The following SAMD4A variants were observed in gnomAD, a reference collection of about 807,000 sequenced individuals.
The protein encoded by SAMD4A is sterile alpha motif domain containing 4A.
Under a neutral mutation model 81.3 loss-of-function variants are expected in SAMD4A, and 33 were observed. The observed-to-expected ratio is 0.41, with a 90% CI of 0.31 to 0.54. SAMD4A has a LOEUF of 0.54. Ranked by LOEUF, SAMD4A falls within the 20% of genes least tolerant of loss-of-function variation. SAMD4A has a pLI of 0.37. For synonymous variants in SAMD4A, 389 were observed against 382.1 expected (o/e 1.02, Z -0.21); for missense variants, 854 against 951.1 (o/e 0.90, Z 1.34).
chr14:54,687,967 G>A (rs1390718289), intron 2 of SAMD4A: 1 of 986,056 alleles, frequency 1.0e-6, no homozygotes, highest in Non-Finnish European at 1.2e-6. Flanking sequence ...TACCCAGCCA[G>A]ACACTCAATA....
At chr14:54,597,158 T>A (rs2033931336) in intron 2 of SAMD4A, among the ~76,000 whole-genome samples, 1 of 151,852 alleles carries the variant, frequency 6.6e-6, no homozygotes, top group Admixed American at 6.6e-5. Context: ...TATGCATTCC[T>A]ATGTGGGTAC....
intron 2 of SAMD4A, among the ~76,000 whole-genome samples, chr14:54,668,587 C>T (rs960998152): frequency 6.6e-6 from 1 of 152,146 alleles, no homozygotes; most frequent in Admixed American, 6.5e-5. Flanking sequence ...GCAAAGACTA[C>T]ATCCTGTCTG....
chr14:54,622,975 G>A (rs1342737399), intron 2 of SAMD4A, among the ~76,000 whole-genome samples: 1 of 152,232 alleles, frequency 6.6e-6, no homozygotes, highest in East Asian at 1.9e-4. Context: ...ACCTGAAAAT[G>A]AAAGTGTTCT....
intron 11 of SAMD4A, chr14:54,784,215 C>A: frequency 1.4e-6 from 1 of 705,992 alleles, no homozygotes; most frequent in Non-Finnish European, 2.5e-6. Context: ...CTGGATCATG[C>A]GGGGCCTTAT....
intron 11 of SAMD4A, 24 bp downstream of exon 11, chr14:54,776,564 C>T (rs1435107832): frequency 2.6e-6 from 4 of 1,529,186 alleles, no homozygotes; most frequent in Middle Eastern, 1.7e-4. Flanking sequence ...CTTCATGTCC[C>T]CTTGACACAG....
intron 2 of SAMD4A, among the ~76,000 whole-genome samples, chr14:54,654,023 A>G (rs2035465040): frequency 6.6e-6 from 1 of 152,234 alleles, no homozygotes; most frequent in Non-Finnish European, 1.5e-5. Context: ...TTTATTGCCA[A>G]AAGAAGACAC....
rs1202600797 is a variant in SAMD4A, at chr14:54,702,520, C to T, written c.655C>T (p.Leu219Phe). 6.2e-7 allele frequency: 1 copy of T among 1,614,170 alleles called. No individual in the cohort carries two copies. ...SMGCENGHVP[L>F]YSSSSVPTTI... Reference sequence around the variant, plus strand: ...GGGGTGTGAGAATGGCCATGTGCCCCTCTACTCCTCCTCATCTGTCCCCAC... The same window carrying T: ...GGGGTGTGAGAATGGCCATGTGCCCTTCTACTCCTCCTCATCTGTCCCCAC... The change falls in exon 3 of 13, where the codon CTC becomes TTC. Residue 219 changes from leucine to phenylalanine, a missense_variant. This residue lies in a region of SAMD4A where 387 missense variants were observed against 405.8 expected (regional missense o/e 0.95). Transcript: ENST00000554335.
At chr14:54,577,128 C>T (rs1360475646) in intron 2 of SAMD4A, among the ~76,000 whole-genome samples, 6 of 152,208 alleles carry the variant, frequency 3.9e-5, no homozygotes, top group Non-Finnish European at 8.8e-5. Flanking sequence ...CTCTGAGGAG[C>T]CACATAGAAT....
intron 4 of SAMD4A, among the ~76,000 whole-genome samples, chr14:54,739,272 C>T (rs1028817181): frequency 6.6e-6 from 1 of 151,904 alleles, no homozygotes; most frequent in Non-Finnish European, 1.5e-5. Flanking sequence ...ATATCTAAGC[C>T]TCTGTGATTC....
chr14:54,748,785 TC>T, intron 4 of SAMD4A, 29 bp from the exon 5 acceptor site: 1 of 1,420,300 alleles, frequency 7.0e-7, no homozygotes, highest in Non-Finnish European at 9.7e-7. Flanking sequence ...CTCATTTCTC[TC>T]CCCATCTCTT....
At chr14:54,757,879 G>A (rs1481229470) in intron 6 of SAMD4A, among the ~76,000 whole-genome samples, 2 of 152,180 alleles carry the variant, frequency 1.3e-5, no homozygotes, top group South Asian at 2.1e-4. Context: ...AGAAAAGGTG[G>A]TAGGTGCTCT....
intron 2 of SAMD4A, among the ~76,000 whole-genome samples, chr14:54,631,828 A>G (rs1330731301): frequency 1.3e-5 from 2 of 152,202 alleles, no homozygotes; most frequent in Non-Finnish European, 1.5e-5. Context: ...GGACATACAT[A>G]GCTTCTTTAT....
chr14:54,573,457 A>G (rs2033193898), intron 2 of SAMD4A, among the ~76,000 whole-genome samples: 1 of 152,228 alleles, frequency 6.6e-6, no homozygotes, highest in Non-Finnish European at 1.5e-5. Context: ...GAGAATTGAC[A>G]ACACCAGAGA....
intron 2 of SAMD4A, chr14:54,681,978 G>T (rs2036138787): frequency 2.0e-6 from 2 of 985,212 alleles, no homozygotes; most frequent in African/African-American, 3.5e-5. Context: ...AAATAATTAT[G>T]CTGTCATAAC....
intron 2 of SAMD4A, chr14:54,687,944 T>C: frequency 1.0e-6 from 1 of 986,580 alleles, no homozygotes; most frequent in Non-Finnish European, 1.2e-6. Context: ...GGCTGATGCC[T>C]CTGACATCAT....
chr14:54,791,366 A>G lies in SAMD4A; in HGVS notation c.*2422A>G, dbSNP rs190569524. Reference sequence around the variant, plus strand: ...CATAAAGACTCATGTTATTCAGAAAACAGATTGTGAACACAATCACATTCG... The same window carrying G: ...CATAAAGACTCATGTTATTCAGAAAGCAGATTGTGAACACAATCACATTCG... On this transcript the variant is annotated 3_prime_UTR_variant, in exon 13 of 13. Transcript: ENST00000554335. 96 of 152,338 alleles carry G rather than the reference A, an allele frequency of 6.3e-4. No homozygotes were observed. The highest frequency in any genetic ancestry group is 2.3e-3 in the African/African-American group (94 of 41,580). The allele number at this position is 152,338 out of a possible 1,614,324, so 9.4% of individuals were successfully genotyped here.
At chr14:54,580,620 G>C (rs2033436930) in intron 2 of SAMD4A, among the ~76,000 whole-genome samples, 1 of 152,170 alleles carries the variant, frequency 6.6e-6, no homozygotes, top group South Asian at 2.1e-4. Flanking sequence ...GTGTTAATGT[G>C]TATGGTGGTG....
At chr14:54,755,481 G>GT (rs1159967356) in intron 6 of SAMD4A, among the ~76,000 whole-genome samples, 1 of 152,150 alleles carries the variant, frequency 6.6e-6, no homozygotes, top group Non-Finnish European at 1.5e-5. Flanking sequence ...GAGGAGCACC[G>GT]TAAGATATGG....
chr14:54,569,859 T>C (rs2033077330), intron 2 of SAMD4A, among the ~76,000 whole-genome samples: 1 of 152,176 alleles, frequency 6.6e-6, no homozygotes, highest in Non-Finnish European at 1.5e-5. Flanking sequence ...CTTTGAGTAA[T>C]GGAGATGACT....
Sources: allele counts gnomAD v4.1 joint callset (sites outside exome capture counted in the v4.1 genomes callset), GRCh38; gene constraint gnomAD v4.1.1; regional missense constraint gnomAD v4.1.1; transcripts MANE v1.5; gene names NCBI Gene and HGNC (gene_info 2026-07-23, HGNC 2026-07-21).